Variants in ASCC3 observed in about 807,000 individuals in gnomAD.
ASCC3 encodes the protein activating signal cointegrator 1 complex subunit 3, also known as ASC-1 complex subunit P200.
In ASCC3, 158 loss-of-function variants were observed where a neutral mutation model predicts 256.3. That is an observed-to-expected ratio of 0.62 (90% CI 0.54 to 0.70). The LOEUF is 0.70. Among genes scored for constraint, ASCC3 ranks in the 30% least tolerant of loss-of-function variants. ASCC3 has a pLI of 0.00. For missense variants in ASCC3, 2,259 were observed against 2,626.0 expected (o/e 0.86, Z 3.05); for synonymous variants, 948 against 883.4 (o/e 1.07, Z -1.30).
chr6:100,869,195 T>A (rs963814073), intron 1 of ASCC3, among the ~76,000 whole-genome samples: 1 of 152,132 alleles, frequency 6.6e-6, no homozygotes, highest in Non-Finnish European at 1.5e-5. Flanking sequence ...TAGAGGCCAA[T>A]GATGCTACTA....
intron 36 of ASCC3, among the ~76,000 whole-genome samples, chr6:100,588,170 T>G (rs907087430): frequency 1.3e-5 from 2 of 152,166 alleles, no homozygotes; most frequent in Non-Finnish European, 2.9e-5. Flanking sequence ...GGGATGTTAT[T>G]AATATCAAAT....
At chr6:100,777,563 G>A (rs536399579) in intron 8 of ASCC3, among the ~76,000 whole-genome samples, 2 of 152,218 alleles carry the variant, frequency 1.3e-5, no homozygotes, top group East Asian at 3.9e-4. Flanking sequence ...TGGGGAGTGA[G>A]ACATAACAGT....
intron 36 of ASCC3, among the ~76,000 whole-genome samples, chr6:100,585,933 T>C (rs543535820): frequency 2.6e-4 from 40 of 152,266 alleles, no homozygotes; most frequent in African/African-American, 9.1e-4. Context: ...CTGATCTTTC[T>C]TCTGGAAGTT....
At chr6:100,578,844 T>A (rs567051562) in intron 36 of ASCC3, among the ~76,000 whole-genome samples, 1 of 152,256 alleles carries the variant, frequency 6.6e-6, no homozygotes, top group South Asian at 2.1e-4. Flanking sequence ...ATCGACACAC[T>A]GCTTTCCACA....
intron 40 of ASCC3, among the ~76,000 whole-genome samples, chr6:100,512,103 C>T (rs776085676): frequency 2.0e-5 from 3 of 152,184 alleles, no homozygotes; most frequent in Admixed American, 1.3e-4. Flanking sequence ...AATAAAAATA[C>T]TGTACATTTT....
intron 11 of ASCC3, among the ~76,000 whole-genome samples, chr6:100,722,607 G>A (rs1316224711): frequency 6.6e-6 from 1 of 151,586 alleles, no homozygotes; most frequent in Non-Finnish European, 1.5e-5. Flanking sequence ...CTATGTAGCT[G>A]GTACATGTGT....
Position 100,614,540 on chromosome 6 carries a change from G to C in ASCC3, c.4786-7452C>G, listed in dbSNP as rs561711854. On this transcript the variant is annotated intron_variant, in intron 30 of 41. Transcript: ENST00000369162. ...TATTATTCTCTTTCATAACTGAAGAGATGGCGCGCAGAGATTAATCCTACC... is the reference window on the plus strand; with the variant it reads ...TATTATTCTCTTTCATAACTGAAGACATGGCGCGCAGAGATTAATCCTACC... 3.1e-4 allele frequency among the ~76,000 whole-genome samples: 47 copies of C among 152,220 alleles called. No individual in the cohort carries two copies. The South Asian group carries it at 9.1e-3, about 30-fold the overall frequency.
Position 100,510,297 on chromosome 6 carries a change from C to T in ASCC3, c.6286-190G>A, listed in dbSNP as rs1773699140. 2 of 620,380 alleles carry T rather than the reference C, an allele frequency of 3.2e-6. 1 individual carries two copies. The highest frequency in any genetic ancestry group is 5.6e-5 in the East Asian group (2 of 35,674). The allele number at this position is 620,380 out of a possible 1,614,324, so 38.4% of individuals were successfully genotyped here. ...TGATATGCAATTATTTAACTTACTT[C>T]AAGATTCTCAGAGCATATTATAGAC... On this transcript the variant is annotated intron_variant, in intron 40 of 41. Transcript: ENST00000369162.
At chr6:100,669,331 A>G (rs1036832932) in intron 14 of ASCC3, among the ~76,000 whole-genome samples, 1 of 150,354 alleles carries the variant, frequency 6.7e-6, no homozygotes, top group Non-Finnish European at 1.5e-5. Flanking sequence ...TACACTATAT[A>G]TATATACACA....
chr6:100,516,412 C>CA (rs1774032989), intron 38 of ASCC3, 85 bp from the exon 39 acceptor site: 1 of 1,501,226 alleles, frequency 6.7e-7, no homozygotes, highest in Admixed American at 1.9e-5. Context: ...ATAATTATAG[C>CA]TTTTTTTGTT....
At chr6:100,597,149 C>G (rs1281693588) in intron 34 of ASCC3, among the ~76,000 whole-genome samples, 1 of 152,132 alleles carries the variant, frequency 6.6e-6, no homozygotes, top group Admixed American at 6.5e-5. Flanking sequence ...GTATTGTAAT[C>G]TCCCATCTCC....
intron 3 of ASCC3, among the ~76,000 whole-genome samples, chr6:100,861,586 C>T (rs1562352118): frequency 1.3e-5 from 2 of 152,088 alleles, no homozygotes; most frequent in Non-Finnish European, 2.9e-5. Context: ...GACTACTACT[C>T]AACTTAAGTT....
At chr6:100,706,649 A>G (rs1303385021) in intron 13 of ASCC3, among the ~76,000 whole-genome samples, 1 of 152,032 alleles carries the variant, frequency 6.6e-6, no homozygotes, top group Non-Finnish European at 1.5e-5. Flanking sequence ...TGTGCTGGAT[A>G]TAATACAAAG....
At chr6:100,527,773 T>C (rs1774656551) in intron 37 of ASCC3, among the ~76,000 whole-genome samples, 1 of 152,086 alleles carries the variant, frequency 6.6e-6, no homozygotes, top group Non-Finnish European at 1.5e-5. Context: ...TCTTCCCTTA[T>C]TCTTTCCTAT....
chr6:100,614,322 G>A (rs1773550878), intron 30 of ASCC3, among the ~76,000 whole-genome samples: 1 of 151,950 alleles, frequency 6.6e-6, no homozygotes, highest in African/African-American at 2.4e-5. Flanking sequence ...GATCACAGCA[G>A]GCAAAAAGGT....
intron 13 of ASCC3, among the ~76,000 whole-genome samples, chr6:100,687,034 T>TCTCTCTCA (rs1459889611): frequency 7.7e-6 from 1 of 130,564 alleles, no homozygotes; most frequent in African/African-American, 2.9e-5. Flanking sequence ...TCTCTCTCTC[T>TCTCTCTCA]CACACACACA....
chr6:100,784,194 TAC>T (rs1262576259), intron 8 of ASCC3, among the ~76,000 whole-genome samples: 1 of 152,090 alleles, frequency 6.6e-6, no homozygotes, highest in African/African-American at 2.4e-5. Flanking sequence ...AATATGAAAA[TAC>T]AGTCAATGAA....
At chr6:100,542,453 C>T (rs1172347775) in intron 36 of ASCC3, among the ~76,000 whole-genome samples, 1 of 152,006 alleles carries the variant, frequency 6.6e-6, no homozygotes, top group African/African-American at 2.4e-5. Context: ...GAGGCTGAGG[C>T]CAGCGGATCA....
intron 1 of ASCC3, among the ~76,000 whole-genome samples, chr6:100,872,736 ACCAGC>A (rs1402944850): frequency 1.3e-5 from 2 of 152,176 alleles, no homozygotes; most frequent in African/African-American, 2.4e-5. Context: ...AACCCCCAGT[ACCAGC>A]CCAAAGCCTG....
Sources: allele counts gnomAD v4.1 joint callset (sites outside exome capture counted in the v4.1 genomes callset), GRCh38; gene constraint gnomAD v4.1.1; transcripts MANE v1.5; gene names NCBI Gene and HGNC (gene_info 2026-07-23, HGNC 2026-07-21).